The following HACE1 variants were observed in gnomAD, a reference collection of about 807,000 sequenced individuals.
HACE1 encodes HECT domain and ankyrin repeat containing E3 ubiquitin protein ligase 1, also known as E3 ubiquitin-protein ligase HACE1.
Under a neutral mutation model 118.4 loss-of-function variants are expected in HACE1, and 73 were observed. The observed-to-expected ratio is 0.62, with a 90% CI of 0.51 to 0.75. The LOEUF is 0.75. Ranked by LOEUF, HACE1 falls within the 30% of genes least tolerant of loss-of-function variation. HACE1 has a pLI of 0.00. For missense variants in HACE1, 749 were observed against 1,102.2 expected (o/e 0.68, Z 4.54); for synonymous variants, 368 against 374.8 (o/e 0.98, Z 0.21).
intron 1 of HACE1, among the ~76,000 whole-genome samples, chr6:104,853,489 A>G (rs1315900996): frequency 6.6e-6 from 1 of 152,150 alleles, no homozygotes; most frequent in Non-Finnish European, 1.5e-5. Flanking sequence ...TTGGAGGTTT[A>G]TGTTTTTTAA....
At chr6:104,783,895 C>T (rs1242908202) in intron 14 of HACE1, among the ~76,000 whole-genome samples, 191 bp downstream of exon 14, 2 of 152,200 alleles carry the variant, frequency 1.3e-5, no homozygotes, top group Non-Finnish European at 2.9e-5. Flanking sequence ...TGTTTTTGTA[C>T]AGACCTCTGT....
chr6:104,796,823 C>T (rs1216043109), intron 8 of HACE1, 67 bp from the exon 9 acceptor site: 2 of 1,114,868 alleles, frequency 1.8e-6, no homozygotes, highest in African/African-American at 3.1e-5. Context: ...ATTCTTCACA[C>T]AATAAAAATC....
At chr6:104,746,364 CA>C (rs1271335954) in intron 20 of HACE1, among the ~76,000 whole-genome samples, 1 of 152,198 alleles carries the variant, frequency 6.6e-6, no homozygotes, top group East Asian at 1.9e-4. Flanking sequence ...TGACCACCCC[CA>C]AATACATTCT....
chr6:104,729,857 T>G lies in HACE1; in HGVS notation c.2628-93A>C, dbSNP rs1013142212. 9.8e-6 allele frequency: 7 copies of G among 715,424 alleles called. No homozygotes were observed. The East Asian group carries it at 1.6e-4, about 16-fold the overall frequency. The allele number at this position is 715,424 out of a possible 1,614,324, so 44.3% of individuals were successfully genotyped here. On this transcript the variant is annotated intron_variant, in intron 23 of 23. Transcript: ENST00000262903. ...GTGAAAACACTACTCATAATTAACA[T>G]AAAATCATCCTCCCAAATTTGCATT...
chr6:104,859,855 G>A lies in HACE1; in HGVS notation c.-213C>T, dbSNP rs908699573. 6.0e-6 allele frequency: 3 copies of A among 502,318 alleles called. No individual in the cohort carries two copies. The highest frequency in any genetic ancestry group is 1.0e-5 in the Non-Finnish European group (3 of 286,798). 31.1% of individuals were successfully genotyped at this position (502,318 alleles called of 1,614,324 possible). A position where few individuals can be genotyped will look rare whatever the true frequency, so the allele number is the denominator to read the frequency against. On this transcript the variant is annotated 5_prime_UTR_variant, in exon 1 of 24. Transcript: ENST00000262903. ...GACCACCTACAGTACACCCGCCGCC[G>A]CCTCTGCTCGCGCCTTTCCTGCAGC... is the stretch of plus-strand genomic sequence containing the variant.
intron 12 of HACE1, among the ~76,000 whole-genome samples, chr6:104,784,705 T>C (rs1477938967): frequency 6.6e-6 from 1 of 152,172 alleles, no homozygotes; most frequent in Non-Finnish European, 1.5e-5. Flanking sequence ...AAGTGACTTT[T>C]TAAAAATCTT....
chr6:104,730,061 T>TA (rs1253034794), intron 23 of HACE1, among the ~76,000 whole-genome samples: 4 of 152,278 alleles, frequency 2.6e-5, no homozygotes, highest in Admixed American at 2.6e-4. Context: ...TACGGTAGTG[T>TA]AACTTTAGTG....
intron 17 of HACE1, among the ~76,000 whole-genome samples, chr6:104,774,191 G>A (rs1780964866): frequency 9.1e-6 from 1 of 109,946 alleles, no homozygotes; most frequent in South Asian, 3.1e-4. Flanking sequence ...CCGGGTTCAC[G>A]CCATTCTCCT....
chr6:104,732,442 T>C (rs1349859457), intron 22 of HACE1: 2 of 152,126 alleles, frequency 1.3e-5, no homozygotes, highest in Non-Finnish European at 2.9e-5. Flanking sequence ...AATAAAGCAA[T>C]CACAAAAGGA....
chr6:104,823,587 G>A (rs766733045), intron 6 of HACE1, among the ~76,000 whole-genome samples: 12 of 151,290 alleles, frequency 7.9e-5, no homozygotes, highest in Non-Finnish European at 1.5e-4. Context: ...TTTCAATAGC[G>A]CACTTGCAGA....
Position 104,738,285 on chromosome 6 carries a change from T to C in HACE1, c.2513+5875A>G, listed in dbSNP as rs1283419196. ...CCTCTCCTCCTCCAAAGGAACGCAG[T>C]TCCTCACCAGCAACGGAACAAAGCT... On this transcript the variant is annotated intron_variant, in intron 22 of 23. Coordinates refer to ENST00000262903, the MANE Select transcript of HACE1 (RefSeq NM_020771.4). Among the ~76,000 whole-genome samples, 367 of 152,258 alleles carry C rather than the reference T, an allele frequency of 2.4e-3. 3 individuals carry two copies. Among genetic ancestry groups the C allele is most frequent in the South Asian group, 9.7e-3 (47 of 4,822 alleles).
intron 22 of HACE1, among the ~76,000 whole-genome samples, chr6:104,737,153 G>T (rs927177551): frequency 3.3e-5 from 5 of 150,720 alleles, no homozygotes; most frequent in African/African-American, 9.7e-5. Flanking sequence ...TTAGCTGGAC[G>T]TGGTGGCAGG....
At chr6:104,752,485 A>AT (rs1778167490) in intron 19 of HACE1, among the ~76,000 whole-genome samples, 2 of 151,810 alleles carry the variant, frequency 1.3e-5, no homozygotes, top group South Asian at 4.1e-4. Context: ...TATATATTAT[A>AT]TTTTTTAAGA....
At chr6:104,780,249 G>A in intron 14 of HACE1, 4 of 305,666 alleles carry the variant, frequency 1.3e-5, no homozygotes, top group South Asian at 5.8e-5. Flanking sequence ...ACATTAAAAG[G>A]TACAAACTGC....
intron 14 of HACE1, among the ~76,000 whole-genome samples, chr6:104,780,918 C>T (rs1347686987): frequency 6.6e-6 from 1 of 152,118 alleles, no homozygotes; most frequent in Non-Finnish European, 1.5e-5. Flanking sequence ...GACTGCAGGT[C>T]AGTTAATTTT....
intron 19 of HACE1, among the ~76,000 whole-genome samples, chr6:104,760,275 T>C (rs529840961): frequency 3.7e-4 from 57 of 152,278 alleles, no homozygotes; most frequent in African/African-American, 1.3e-3. Flanking sequence ...ATATCCCTGA[T>C]GAAAATCAAT....
intron 11 of HACE1, chr6:104,786,131 T>G (rs1314163024): frequency 1.3e-5 from 2 of 151,964 alleles, no homozygotes; most frequent in African/African-American, 4.8e-5. Flanking sequence ...GGTCAGGAAT[T>G]CGAGATCAGC....
intron 19 of HACE1, among the ~76,000 whole-genome samples, chr6:104,753,333 C>T (rs1049887829): frequency 2.0e-5 from 3 of 152,110 alleles, no homozygotes; most frequent in East Asian, 1.9e-4. Context: ...AGAATACAGG[C>T]GGTCCAGAAA....
intron 22 of HACE1, among the ~76,000 whole-genome samples, chr6:104,735,640 A>AAAAGT (rs1775747523): frequency 6.6e-6 from 1 of 152,168 alleles, no homozygotes; most frequent in Non-Finnish European, 1.5e-5. Flanking sequence ...CAAAAAAAAA[A>AAAAGT]AAAGTAAAAA....
Sources: gnomAD v4.1 joint callset for allele counts (sites outside exome capture counted in the v4.1 genomes callset) on GRCh38, gnomAD v4.1.1 for gene constraint, MANE v1.5 for transcripts, NCBI Gene and HGNC (gene_info 2026-07-23, HGNC 2026-07-21) for gene names.